The following APOA4 variants were observed in gnomAD, a reference collection of about 807,000 sequenced individuals.
APOA4 encodes the protein apolipoprotein A4.
APOA4 carries 25 observed loss-of-function variants against 33.6 expected under a neutral mutation model. The ratio of observed to expected loss-of-function variants is 0.74; its 90% CI spans 0.54 to 1.04. The LOEUF is 1.04. Among genes scored for constraint, APOA4 ranks in the 50% least tolerant of loss-of-function variants. The pLI, the probability that APOA4 is intolerant of heterozygous loss-of-function variation, is 0.00. For synonymous variants in APOA4, 228 were observed against 224.0 expected (o/e 1.02, Z -0.16); for missense variants, 549 against 510.4 (o/e 1.08, Z -0.73).
rs866076134 is a variant in APOA4 at position 116,821,637 on chromosome 11, G to T, written c.421C>A (p.Gln141Lys). 6.2e-7 allele frequency: 1 copy of T among 1,610,288 alleles called. No individual in the cohort carries two copies. Among genetic ancestry groups the T allele is most frequent in the East Asian group, 2.2e-5 (1 of 44,808 alleles). Residue 141 changes from glutamine to lysine, a missense_variant, in exon 3 of 3, where the codon CAG (glutamine) becomes AAG (lysine). Coordinates refer to ENST00000357780, the MANE Select transcript of APOA4 (RefSeq NM_000482.4). ...TGCGTGCTGACCTGGGTGCGCAGCT[G>T]GTCCGCGTAGGGCTCCAGGCGCTGC... is the stretch of plus-strand genomic sequence containing the variant. The part of the protein sequence containing the change: ...LQQRLEPYAD[Q>K]LRTQVSTQAE...
At chr11:116,823,058 T>C in intron 1 of APOA4, 85 bp downstream of exon 1, 1 of 1,546,538 alleles carries the variant, frequency 6.5e-7, no homozygotes, top group Non-Finnish European at 8.9e-7. Flanking sequence ...CACTCAGAAG[T>C]GTCCTTTTGC....
Position 116,821,271 on chromosome 11 carries a change from G to C in APOA4, c.787C>G (p.Leu263Val), listed in dbSNP as rs769553343. 3 of 1,613,496 alleles carry C rather than the reference G, an allele frequency of 1.9e-6. No individual in the cohort carries two copies. Among genetic ancestry groups the C allele is most frequent in the South Asian group, 1.1e-5 (1 of 91,078 alleles). Residue 263 changes from leucine to valine, a missense_variant, in exon 3 of 3, where the codon CTG becomes GTG. Physicochemically the swap from Leu to Val is conservative, Grantham distance 32. Coordinates refer to ENST00000357780, the MANE Select transcript of APOA4 (RefSeq NM_000482.4). ...KARISASAEE[L>V]RQRLAPLAED... ...GCCAAGGGCGCCAGCCTCTGCCGCAGCTCCTCGGCACTGGCCGAGATCCTG... is the reference window on the plus strand; with the variant it reads ...GCCAAGGGCGCCAGCCTCTGCCGCACCTCCTCGGCACTGGCCGAGATCCTG...
chr11:116,822,092 A>C (rs988523317), intron 2 of APOA4, among the ~76,000 whole-genome samples: 4 of 152,234 alleles, frequency 2.6e-5, no homozygotes, highest in South Asian at 2.1e-4. Context: ...AGGATCTCCC[A>C]CATAGTTTGT....
At position 116,820,782 on chromosome 11, in the gene APOA4, C is replaced by A; in HGVS notation, c.*85G>T. On this transcript the variant is annotated 3_prime_UTR_variant, in exon 3 of 3. Coordinates refer to ENST00000357780, the MANE Select transcript of APOA4 (RefSeq NM_000482.4). Reference sequence around the variant, plus strand: ...TGGACATGTGTCCTCAAGTTCATACCAGAACTTCTTTGGGACAGACAGACA... The same window carrying A: ...TGGACATGTGTCCTCAAGTTCATACAAGAACTTCTTTGGGACAGACAGACA... 6.4e-7 allele frequency: 1 copy of A among 1,557,612 alleles called. No individual in the cohort carries two copies. Among genetic ancestry groups the A allele is most frequent in the African/African-American group, 1.4e-5 (1 of 73,550 alleles).
At chr11:116,822,832 G>GC in intron 1 of APOA4, 47 bp from the exon 2 acceptor site, 1 of 1,612,190 alleles carries the variant, frequency 6.2e-7, no homozygotes, top group Middle Eastern at 1.7e-4. Flanking sequence ...CTCCTGTGTG[G>GC]CCCCTCTGCT....
intron 2 of APOA4, 88 bp from the exon 3 acceptor site, chr11:116,821,969 C>T: frequency 1.3e-6 from 2 of 1,558,386 alleles, no homozygotes; most frequent in African/African-American, 1.3e-5. Flanking sequence ...GCCTTATGCA[C>T]ACGTGCTAGG....
intron 1 of APOA4, 114 bp downstream of exon 1, chr11:116,823,029 C>G: frequency 6.9e-7 from 1 of 1,451,432 alleles, no homozygotes; most frequent in Non-Finnish European, 9.6e-7. Context: ...GACCTCATGT[C>G]CAGCTGGGGG....
chr11:116,821,753 A>G lies in APOA4; in HGVS notation c.305T>C (p.Ile102Thr). 1 of 1,556,682 alleles carries G rather than the reference A, an allele frequency of 6.4e-7. No homozygotes were observed. The highest frequency in any genetic ancestry group is 8.9e-7 in the Non-Finnish European group (1 of 1,127,898). Residue 102 changes from isoleucine (I) to threonine (T), a missense_variant, in exon 3 of 3, where the codon ATT becomes ACT. By Grantham distance (89) the Ile-to-Thr change is moderately conservative. Coordinates refer to ENST00000357780, the MANE Select transcript of APOA4 (RefSeq NM_000482.4). The stretch of plus-strand genomic sequence containing the variant: ...CCTCAGCTCCTCCAGCTCCTTCCCA[A>G]TCTCCTCCTTCAGTTTCTCCGAGTC... ...AKDSEKLKEE[I>T]GKELEELRAR...
At chr11:116,822,418 T>G (rs1251113310) in intron 2 of APOA4, among the ~76,000 whole-genome samples, 2 of 152,116 alleles carry the variant, frequency 1.3e-5, no homozygotes, top group Non-Finnish European at 2.9e-5. Context: ...TGAGCCTGAA[T>G]GATAGGATGT....
Position 116,821,311 on chromosome 11 carries a change from G to A in APOA4, c.747C>T (p.Ala249=), listed in dbSNP as rs558924435. The change falls in exon 3 of 3, where the codon GCC becomes GCT. Residue 249 remains alanine, a synonymous_variant. Transcript: ENST00000357780. ...EGLTFQMKKN[A]EELKARISAS... ...CCGAGATCCTGGCCTTGAGCTCCTC[G>A]GCGTTCTTCTTCATCTGGAAGGTCA... 23 of 1,613,802 alleles carry A rather than the reference G, an allele frequency of 1.4e-5. No homozygotes were observed. Among genetic ancestry groups the A allele is most frequent in the African/African-American group, 2.7e-5 (2 of 74,920 alleles).
In APOA4 at chr11:116,821,119, G is replaced by A. The variant is rs955492329; in HGVS notation, c.939C>T (p.Asn313=). The A allele has an allele frequency of 6.2e-6, 10 of 1,613,812 alleles. No individual in the cohort carries two copies. The Admixed American group carries it at 1.5e-4, about 24-fold the overall frequency. Residue 313 remains asparagine (N), a synonymous_variant, in exon 3 of 3, where the codon AAC becomes AAT. Coordinates refer to ENST00000357780, the MANE Select transcript of APOA4 (RefSeq NM_000482.4). The stretch of plus-strand genomic sequence containing the variant: ...TCTGCTGCACCAGGGCTTTGTTGAA[G>A]TTTTCCCCGTAGGGCTCCACCCGGC... The part of the protein sequence containing the change: ...FRRRVEPYGE[N]FNKALVQQME...
Position 116,820,773 on chromosome 11 carries a change from A to T in APOA4, c.*94T>A. 1 of 1,549,676 alleles carries T rather than the reference A, an allele frequency of 6.5e-7. No individual in the cohort carries two copies. The highest frequency in any genetic ancestry group is 8.7e-7 in the Non-Finnish European group (1 of 1,152,846). On this transcript the variant is annotated 3_prime_UTR_variant, in exon 3 of 3. Transcript: ENST00000357780. Reference sequence around the variant, plus strand: ...ACCTCCCACTGGACATGTGTCCTCAAGTTCATACCAGAACTTCTTTGGGAC... The same window carrying T: ...ACCTCCCACTGGACATGTGTCCTCATGTTCATACCAGAACTTCTTTGGGAC...
At chr11:116,822,025 T>G in intron 2 of APOA4, 144 bp from the exon 3 acceptor site, 1 of 1,034,604 alleles carries the variant, frequency 9.7e-7, no homozygotes, top group Non-Finnish European at 1.5e-6. Flanking sequence ...CCTATGGTGG[T>G]GCAGATTGGA....
rs772517559 is a variant in APOA4, at chr11:116,820,818, A to G, written c.*49T>C. The G allele has an allele frequency of 3.8e-6, 6 of 1,596,098 alleles. No homozygotes were observed. The East Asian group carries it at 1.3e-4, about 36-fold the overall frequency. ...TGGGACAGACAGACAGACAGGTGGC[A>G]GGGCAGGGCAGGTGTCCACGAGGGT... On this transcript the variant is annotated 3_prime_UTR_variant, in exon 3 of 3. Coordinates refer to ENST00000357780, the MANE Select transcript of APOA4 (RefSeq NM_000482.4).
Position 116,821,608 on chromosome 11 carries a change from G to A in APOA4, c.450C>T (p.Ala150=), listed in dbSNP as rs2234668. 79,607 of 1,610,160 alleles carry A rather than the reference G, an allele frequency of 0.049. 2,328 individuals are homozygous for A. The highest frequency in any genetic ancestry group is 0.066 in the South Asian group (6,017 of 90,980). The change falls in exon 3 of 3, where the codon GCC becomes GCT. Residue 150 remains alanine (A), a synonymous_variant. Transcript: ENST00000357780. ...GGGTCAGCTGGCGCCGCAGCTGCTC[G>A]GCCTGCGTGCTGACCTGGGTGCGCA... ...DQLRTQVSTQ[A]EQLRRQLTPY... is the part of the protein sequence containing the mutation.
chr11:116,821,921 A>T (rs780888931), intron 2 of APOA4, 40 bp from the exon 3 acceptor site: 3 of 1,607,428 alleles, frequency 1.9e-6, no homozygotes, highest in Non-Finnish European at 2.5e-6. Flanking sequence ...TACATTTGGC[A>T]TTTACACGGC....
chr11:116,821,493 TGGCCTTGAGCTCGTC>T lies in APOA4; in HGVS notation c.550_564del (p.Asp184_Ala188del), dbSNP rs1468748133. ...AGCTCCTCCACGTTCTGGTCGATCT[TGGCCTTGAGCTCGTC>T]GGCGTGGGGCCTCAGCGAGGCCTGC... On this transcript the variant is annotated inframe_deletion, in exon 3 of 3. Transcript: ENST00000357780. 1.2e-6 allele frequency: 2 copies of T among 1,614,010 alleles called. No homozygotes were observed. Among genetic ancestry groups the T allele is most frequent in the Non-Finnish European group, 1.7e-6 (2 of 1,180,024 alleles).
chr11:116,822,668 T>G lies in APOA4; in HGVS notation c.167A>C (p.Gln56Pro), dbSNP rs758615168. 1.2e-6 allele frequency: 2 copies of G among 1,614,130 alleles called. No homozygotes were observed. Among genetic ancestry groups the G allele is most frequent in the East Asian group, 4.5e-5 (2 of 44,900 alleles). The change falls in exon 2 of 3, where the codon CAG becomes CCG. Residue 56 changes from glutamine (Q) to proline (P), a missense_variant. Physicochemically the swap from Gln to Pro is moderately conservative, Grantham distance 76. Coordinates refer to ENST00000357780, the MANE Select transcript of APOA4 (RefSeq NM_000482.4). ...VEHLQKSELT[Q>P]QLNALFQDKL... Reference sequence around the variant, plus strand: ...CTGTAGTCCCTCTTACTTGAGTTGCTGGGTGAGTTCAGATTTCTGGAGATG... The same window carrying G: ...CTGTAGTCCCTCTTACTTGAGTTGCGGGGTGAGTTCAGATTTCTGGAGATG...
chr11:116,822,848 T>C, intron 1 of APOA4, 63 bp from the exon 2 acceptor site: 2 of 1,609,826 alleles, frequency 1.2e-6, no homozygotes, highest in Non-Finnish European at 1.7e-6. Context: ...CTGCTCCAGC[T>C]CTGAGCTGCA....
Sources: gnomAD v4.1 joint callset for allele counts (sites outside exome capture counted in the v4.1 genomes callset) on GRCh38, gnomAD v4.1.1 for gene constraint, MANE v1.5 for transcripts, NCBI Gene and HGNC (gene_info 2026-07-23, HGNC 2026-07-21) for gene names.